Variants in OSBPL11 observed in about 807,000 individuals in gnomAD.
The protein encoded by OSBPL11 is oxysterol binding protein like 11.
In OSBPL11, 33 loss-of-function variants were observed where a neutral mutation model predicts 84.4. The observed-to-expected ratio is 0.39, with a 90% CI of 0.30 to 0.52. OSBPL11 has a LOEUF of 0.52. Among genes scored for constraint, OSBPL11 ranks in the 20% least tolerant of loss-of-function variants. The pLI is 0.72. For missense variants in OSBPL11, 736 were observed against 901.1 expected (o/e 0.82, Z 2.35); for synonymous variants, 276 against 310.2 (o/e 0.89, Z 1.16).
intron 1 of OSBPL11, among the ~76,000 whole-genome samples, chr3:125,585,691 G>C (rs1936497425): frequency 6.6e-6 from 1 of 152,152 alleles, no homozygotes; most frequent in African/African-American, 2.4e-5. Flanking sequence ...GAACCAACTT[G>C]AAAACATCCT....
intron 5 of OSBPL11, among the ~76,000 whole-genome samples, chr3:125,571,348 T>C (rs759688737): frequency 1.3e-5 from 2 of 152,226 alleles, no homozygotes; most frequent in Non-Finnish European, 2.9e-5. Context: ...TGCAGCCTGA[T>C]GACACAATAG....
At chr3:125,537,206 A>G (rs985308274) in intron 11 of OSBPL11, among the ~76,000 whole-genome samples, 5 of 151,984 alleles carry the variant, frequency 3.3e-5, no homozygotes, top group African/African-American at 1.2e-4. Context: ...CCAGATTTTA[A>G]AAAAACTAAT....
intron 10 of OSBPL11, among the ~76,000 whole-genome samples, chr3:125,543,292 C>T (rs1323512448): frequency 6.7e-6 from 1 of 148,172 alleles, no homozygotes; most frequent in Admixed American, 6.7e-5. Flanking sequence ...CCACCATGCC[C>T]AGCTAATGTT....
intron 10 of OSBPL11, among the ~76,000 whole-genome samples, chr3:125,540,674 C>G (rs1935716069): frequency 6.6e-6 from 1 of 152,164 alleles, no homozygotes; most frequent in Admixed American, 6.5e-5. Context: ...TAATCAGCTC[C>G]TCACTTGATC....
At chr3:125,564,212 AGGAGGAGTCTG>A (rs1176686222) in intron 6 of OSBPL11, among the ~76,000 whole-genome samples, 2 of 152,246 alleles carry the variant, frequency 1.3e-5, no homozygotes, top group Non-Finnish European at 2.9e-5. Flanking sequence ...GCACAGCTAC[AGGAGGAGTCTG>A]GGACTGTGAA....
In OSBPL11 at chr3:125,576,856, G is replaced by GT. The variant is rs573668238; in HGVS notation, c.490-492dup. ...GCACCACCATGCCCAGTTAATTTTTGTATGTTTAGTAGAGACAGGGTTTTG... is the reference window on the plus strand; with the variant it reads ...GCACCACCATGCCCAGTTAATTTTTGTTATGTTTAGTAGAGACAGGGTTTTG... On this transcript the variant is annotated intron_variant, in intron 4 of 12. Coordinates refer to ENST00000296220, the MANE Select transcript of OSBPL11 (RefSeq NM_022776.5). 1.3e-4 allele frequency among the ~76,000 whole-genome samples: 20 copies of GT among 152,192 alleles called. No homozygotes were observed. In the East Asian group the frequency reaches 3.7e-3, roughly 28 times the overall value.
intron 6 of OSBPL11, among the ~76,000 whole-genome samples, chr3:125,567,092 A>T (rs2107602661): frequency 6.6e-6 from 1 of 152,350 alleles, no homozygotes; most frequent in South Asian, 2.1e-4. Context: ...TGATGCCACT[A>T]ATTTTAACAT....
intron 2 of OSBPL11, among the ~76,000 whole-genome samples, chr3:125,581,563 G>A (rs1236142183): frequency 6.6e-6 from 1 of 151,528 alleles, no homozygotes; most frequent in African/African-American, 2.4e-5. Context: ...GGGCGAGGTG[G>A]CGTGCACCTG....
rs746139725 is a variant in OSBPL11, at chr3:125,567,455, A to T, written c.807T>A (p.Asn269Lys). 43 of 1,614,194 alleles carry T rather than the reference A, an allele frequency of 2.7e-5. No individual in the cohort carries two copies. The highest frequency in any genetic ancestry group is 3.1e-5 in the Non-Finnish European group (37 of 1,180,032). Residue 269 changes from asparagine (N) to lysine (K), a missense_variant, in exon 6 of 13, where the codon AAT (asparagine) becomes AAA (lysine). Transcript: ENST00000296220. ...ATSMATMNCLNDCFHILQLQH... is the reference protein window; with the variant it reads ...ATSMATMNCLKDCFHILQLQH... ...GTAACTGGAGAATATGAAAGCAGTC[A>T]TTTAAGCAGTTCATAGTTGCCATGG...
At chr3:125,536,883 G>T (rs936520281) in intron 11 of OSBPL11, among the ~76,000 whole-genome samples, 2 of 152,004 alleles carry the variant, frequency 1.3e-5, no homozygotes, top group Non-Finnish European at 2.9e-5. Flanking sequence ...ACTCGGCCAG[G>T]CACGGTGGCT....
At chr3:125,585,206 C>T (rs1276822699) in intron 1 of OSBPL11, among the ~76,000 whole-genome samples, 1 of 152,184 alleles carries the variant, frequency 6.6e-6, no homozygotes, top group African/African-American at 2.4e-5. Flanking sequence ...TCTCAGCTCA[C>T]TGCAACCTTC....
intron 9 of OSBPL11, among the ~76,000 whole-genome samples, chr3:125,551,145 C>T (rs565442696): frequency 2.1e-4 from 21 of 101,772 alleles, no homozygotes; most frequent in African/African-American, 7.5e-4. Context: ...GCCTGGGCAA[C>T]AGAGCAAGAC....
chr3:125,543,124 ATTTTTTTTTTTTT>A (rs60571172), intron 10 of OSBPL11, among the ~76,000 whole-genome samples: 7 of 99,288 alleles, frequency 7.1e-5, no homozygotes, highest in African/African-American at 3.0e-4. Context: ...GGCTAGTAAG[ATTTTTTTTTTTTT>A]TTTTTTTTTT....
intron 6 of OSBPL11, among the ~76,000 whole-genome samples, 166 bp downstream of exon 6, chr3:125,567,228 C>A (rs1350958084): frequency 6.6e-6 from 1 of 152,164 alleles, no homozygotes. Context: ...AGGACACAAT[C>A]ATTAAGAATT....
chr3:125,536,249 G>A (rs1468834047), intron 11 of OSBPL11, among the ~76,000 whole-genome samples: 1 of 151,994 alleles, frequency 6.6e-6, no homozygotes, highest in African/African-American at 2.4e-5. Flanking sequence ...CTCGACAACT[G>A]GTAATTTTAA....
chr3:125,572,043 G>T (rs2107605006), intron 5 of OSBPL11, among the ~76,000 whole-genome samples: 1 of 152,394 alleles, frequency 6.6e-6, no homozygotes, highest in East Asian at 1.9e-4. Context: ...GCCCTGCAAA[G>T]CCACGGGGCG....
chr3:125,552,160 T>TAA (rs768536012), intron 9 of OSBPL11, 21 bp downstream of exon 9: 4 of 1,302,236 alleles, frequency 3.1e-6, no homozygotes, highest in East Asian at 5.0e-5. Flanking sequence ...TATATATATA[T>TAA]AAAATAATTT....
At chr3:125,576,675 C>A (rs963035748) in intron 4 of OSBPL11, among the ~76,000 whole-genome samples, 8 of 151,736 alleles carry the variant, frequency 5.3e-5, no homozygotes, top group Admixed American at 3.3e-4. Flanking sequence ...TTTTTAAACA[C>A]CATGAATTTT....
chr3:125,579,083 G>A, intron 3 of OSBPL11, 44 bp from the exon 4 acceptor site: 2 of 1,354,492 alleles, frequency 1.5e-6, no homozygotes, highest in Non-Finnish European at 2.1e-6. Flanking sequence ...ATTTATTCTG[G>A]AACACAATTA....
Sources: allele counts gnomAD v4.1 joint callset (sites outside exome capture counted in the v4.1 genomes callset), GRCh38; gene constraint gnomAD v4.1.1; transcripts MANE v1.5; gene names NCBI Gene and HGNC (gene_info 2026-07-23, HGNC 2026-07-21).